The following WWTR1 variants were observed in gnomAD, a reference collection of about 807,000 sequenced individuals.
The protein encoded by WWTR1 is WW domain-containing transcription regulator protein 1.
WWTR1 carries 13 observed loss-of-function variants against 40.1 expected under a neutral mutation model. The observed-to-expected ratio is 0.32, with a 90% CI of 0.21 to 0.52. The LOEUF is 0.52. Among genes scored for constraint, WWTR1 ranks in the 20% least tolerant of loss-of-function variants. The pLI is 0.97. For missense variants in WWTR1, 436 were observed against 523.1 expected, an observed-to-expected ratio of 0.83 and a Z score of 1.63; for synonymous variants, 230 against 210.1, an observed-to-expected ratio of 1.09 and a Z score of -0.82.
chr3:149,597,917 G>T (rs1177545165), intron 2 of WWTR1, among the ~76,000 whole-genome samples: 1 of 152,210 alleles, frequency 6.6e-6, no homozygotes, highest in African/African-American at 2.4e-5. Context: ...TTTTTGGAAT[G>T]ATTATTTTTT....
At chr3:149,553,800 G>A (rs935524154) in intron 3 of WWTR1, among the ~76,000 whole-genome samples, 4 of 152,064 alleles carry the variant, frequency 2.6e-5, no homozygotes, top group African/African-American at 7.2e-5. Flanking sequence ...TTTATGCGCC[G>A]TCCATGGCTT....
chr3:149,559,124 T>C (rs1356651648), intron 3 of WWTR1, among the ~76,000 whole-genome samples: 7 of 151,770 alleles, frequency 4.6e-5, no homozygotes, highest in African/African-American at 1.7e-4. Flanking sequence ...GGAAACCCCA[T>C]CTCTACTAAA....
intron 1 of WWTR1, among the ~76,000 whole-genome samples, chr3:149,695,852 C>T (rs1410979018): frequency 6.0e-5 from 9 of 149,658 alleles, no homozygotes; most frequent in South Asian, 4.2e-4. Flanking sequence ...GTGGCTCATG[C>T]CTGTAATCCC....
At chr3:149,677,534 G>A (rs895814633) in intron 1 of WWTR1, among the ~76,000 whole-genome samples, 5 of 151,904 alleles carry the variant, frequency 3.3e-5, no homozygotes, top group Non-Finnish European at 5.9e-5. Context: ...TGTCTCCTAC[G>A]GTGTTCCCAC....
chr3:149,638,337 T>C (rs546457394), intron 2 of WWTR1, among the ~76,000 whole-genome samples: 1 of 152,230 alleles, frequency 6.6e-6, no homozygotes, highest in South Asian at 2.1e-4. Context: ...TTTATTAACA[T>C]ATTCCAAAAA....
At chr3:149,568,537 A>AC (rs1737451519) in intron 3 of WWTR1, among the ~76,000 whole-genome samples, 6 of 124,938 alleles carry the variant, frequency 4.8e-5, no homozygotes, top group South Asian at 5.0e-4. Flanking sequence ...AAAAAAAAAA[A>AC]AAAAAAAAAA....
chr3:149,608,485 A>C (rs1739585645), intron 2 of WWTR1, among the ~76,000 whole-genome samples: 1 of 151,844 alleles, frequency 6.6e-6, no homozygotes, highest in Non-Finnish European at 1.5e-5. Flanking sequence ...TCCTGGGTTC[A>C]AGCCATTTTC....
intron 2 of WWTR1, among the ~76,000 whole-genome samples, chr3:149,613,257 G>A (rs995014443): frequency 1.3e-5 from 2 of 152,204 alleles, no homozygotes; most frequent in African/African-American, 4.8e-5. Flanking sequence ...ATATATGAAA[G>A]CCTAACACAG....
chr3:149,552,967 G>A (rs1232425626), intron 3 of WWTR1, among the ~76,000 whole-genome samples: 1 of 152,110 alleles, frequency 6.6e-6, no homozygotes, highest in Non-Finnish European at 1.5e-5. Context: ...CAAGTGTCAT[G>A]CTGAAACTTT....
At chr3:149,562,097 C>G (rs1576561516) in intron 3 of WWTR1, among the ~76,000 whole-genome samples, 1 of 152,126 alleles carries the variant, frequency 6.6e-6, no homozygotes, top group South Asian at 2.1e-4. Context: ...GAGTTCAAGA[C>G]CGGCCTCGCC....
intron 3 of WWTR1, among the ~76,000 whole-genome samples, chr3:149,563,652 A>G (rs1737184268): frequency 6.6e-6 from 1 of 152,230 alleles, no homozygotes; most frequent in Non-Finnish European, 1.5e-5. Context: ...TCCTTTTCAG[A>G]TAAATTAAAG....
intron 3 of WWTR1, among the ~76,000 whole-genome samples, chr3:149,563,881 A>G (rs1322502104): frequency 6.6e-6 from 1 of 152,114 alleles, no homozygotes. Flanking sequence ...CCTCCCAAGT[A>G]GCTGGGACTA....
chr3:149,521,260 G>A (rs1421561146), intron 6 of WWTR1, among the ~76,000 whole-genome samples: 2 of 152,202 alleles, frequency 1.3e-5, no homozygotes, highest in Non-Finnish European at 2.9e-5. Context: ...TGACAAAGGT[G>A]TGAAGAACTG....
chr3:149,611,521 T>G (rs1739740363), intron 2 of WWTR1, among the ~76,000 whole-genome samples: 1 of 152,220 alleles, frequency 6.6e-6, no homozygotes, highest in Non-Finnish European at 1.5e-5. Context: ...TCAATCCAAC[T>G]GGAGTAATCA....
intron 6 of WWTR1, among the ~76,000 whole-genome samples, 188 bp from the exon 7 acceptor site, chr3:149,521,177 G>C (rs1348308024): frequency 1.3e-5 from 2 of 152,176 alleles, no homozygotes; most frequent in African/African-American, 2.4e-5. Context: ...GTCCAGAATG[G>C]AAAAGGCCAA....
At chr3:149,615,815 G>T (rs574759511) in intron 2 of WWTR1, among the ~76,000 whole-genome samples, 10 of 152,290 alleles carry the variant, frequency 6.6e-5, no homozygotes, top group South Asian at 4.1e-4. Flanking sequence ...CACCACAGAG[G>T]TGTCTGCTAC....
intron 1 of WWTR1, among the ~76,000 whole-genome samples, chr3:149,700,654 T>C (rs1198176805): frequency 6.6e-6 from 1 of 152,066 alleles, no homozygotes; most frequent in African/African-American, 2.4e-5. Context: ...TTAACTGACA[T>C]AATATATTTA....
intron 1 of WWTR1, among the ~76,000 whole-genome samples, chr3:149,692,622 T>G (rs1241126771): frequency 1.1e-5 from 1 of 87,318 alleles, no homozygotes; most frequent in African/African-American, 4.9e-5. Context: ...CACCACTGTT[T>G]GTTTGTTTGT....
intron 1 of WWTR1, among the ~76,000 whole-genome samples, chr3:149,694,817 C>T (rs373751568): frequency 6.6e-5 from 10 of 152,174 alleles, no homozygotes; most frequent in Admixed American, 2.6e-4. Flanking sequence ...TAGGTATACA[C>T]GCAAAATAAA....
Sources: gnomAD v4.1 joint callset for allele counts (sites outside exome capture counted in the v4.1 genomes callset) on GRCh38, gnomAD v4.1.1 for gene constraint, MANE v1.5 for transcripts, NCBI Gene and HGNC (gene_info 2026-07-23, HGNC 2026-07-21) for gene names.